Variants in MFN1 observed in about 807,000 individuals in gnomAD.
MFN1 encodes mitofusin 1.
MFN1 carries 65 observed loss-of-function variants against 92.4 expected under a neutral mutation model. The observed-to-expected ratio is 0.70, with a 90% CI of 0.58 to 0.86. The LOEUF is 0.86. MFN1 is among the 40% of genes least tolerant of loss of function. MFN1 has a pLI of 0.00. For missense variants in MFN1, 781 were observed against 868.0 expected, an observed-to-expected ratio of 0.90 and a Z score of 1.26; for synonymous variants, 297 against 300.9, an observed-to-expected ratio of 0.99 and a Z score of 0.13.
At chr3:179,379,574 G>T (rs1713389034) in intron 14 of MFN1, among the ~76,000 whole-genome samples, 1 of 152,010 alleles carries the variant, frequency 6.6e-6, no homozygotes, top group Non-Finnish European at 1.5e-5. Flanking sequence ...GACTGGTCTC[G>T]AACTCCTGAC....
intron 13 of MFN1, 35 bp downstream of exon 13, chr3:179,378,478 G>T: frequency 6.4e-7 from 1 of 1,553,758 alleles, no homozygotes; most frequent in East Asian, 2.2e-5. Context: ...TGTCTGGTTT[G>T]TTTTTTCATT....
At chr3:179,355,981 A>G (rs1438498254) in intron 3 of MFN1, among the ~76,000 whole-genome samples, 1 of 152,198 alleles carries the variant, frequency 6.6e-6, no homozygotes, top group Non-Finnish European at 1.5e-5. Context: ...CAGCCAGGTA[A>G]AAGGAAAATT....
intron 16 of MFN1, among the ~76,000 whole-genome samples, chr3:179,387,361 C>A (rs1713724454): frequency 6.6e-6 from 1 of 152,002 alleles, no homozygotes. Flanking sequence ...GCCTGGCCAA[C>A]ATGGTGAAAC....
Position 179,377,340 on chromosome 3 carries a change from T to A in MFN1, c.1225-4T>A. On this transcript the variant is annotated splice_region_variant and splice_polypyrimidine_tract_variant and intron_variant, in intron 11 of 17. Transcript: ENST00000471841. The stretch of plus-strand genomic sequence containing the variant: ...TTTTAACTCCAAAATTTTCATATTT[T>A]CAGGTTTCATGTGCAATGACAGATG... 1 of 1,584,352 alleles carries A rather than the reference T, an allele frequency of 6.3e-7. No homozygotes were observed. The highest frequency in any genetic ancestry group is 8.6e-7 in the Non-Finnish European group (1 of 1,169,142).
Position 179,378,452 on chromosome 3 carries a change from T to TA in MFN1, c.1432+10dup. 2 of 1,584,414 alleles carry TA rather than the reference T, an allele frequency of 1.3e-6. No individual in the cohort carries two copies. Among genetic ancestry groups the TA allele is most frequent in the Non-Finnish European group, 1.7e-6 (2 of 1,168,632 alleles). On this transcript the variant is annotated intron_variant, in intron 13 of 17. Coordinates refer to ENST00000471841, the MANE Select transcript of MFN1 (RefSeq NM_033540.3). The stretch of plus-strand genomic sequence containing the variant: ...CCAGCAAGAAATTATTGGTAATATT[T>TA]ATGTCTACAAGGTCATGTCTGGTTT...
intron 12 of MFN1, 40 bp downstream of exon 12, chr3:179,377,488 C>A (rs1006527417): frequency 1.0e-5 from 13 of 1,241,574 alleles, no homozygotes; most frequent in African/African-American, 1.5e-5. Context: ...GAGACAGTTT[C>A]TTATTATTCT....
intron 9 of MFN1, among the ~76,000 whole-genome samples, chr3:179,374,968 T>C (rs1439007849): frequency 6.6e-6 from 1 of 152,244 alleles, no homozygotes; most frequent in East Asian, 1.9e-4. Context: ...TTTTTAATGT[T>C]AGAGTCAAAC....
chr3:179,380,725 A>ACT (rs1713432684), intron 14 of MFN1, among the ~76,000 whole-genome samples: 2 of 152,212 alleles, frequency 1.3e-5, no homozygotes, highest in Non-Finnish European at 2.9e-5. Flanking sequence ...GCAGCAGTGA[A>ACT]CTGAGGCCTG....
chr3:179,367,072 C>T (rs1182441331), intron 7 of MFN1, among the ~76,000 whole-genome samples: 1 of 152,202 alleles, frequency 6.6e-6, no homozygotes, highest in African/African-American at 2.4e-5. Context: ...GGATTACCGG[C>T]ACCTGCCACC....
At chr3:179,373,120 A>C (rs1713087721) in intron 9 of MFN1, among the ~76,000 whole-genome samples, 1 of 152,214 alleles carries the variant, frequency 6.6e-6, no homozygotes, top group South Asian at 2.1e-4. Context: ...CAATGCAAGA[A>C]AGTAATGGCT....
intron 17 of MFN1, among the ~76,000 whole-genome samples, chr3:179,391,523 A>G (rs1425912847): frequency 6.6e-6 from 1 of 152,164 alleles, no homozygotes; most frequent in Non-Finnish European, 1.5e-5. Context: ...GCATATGCAC[A>G]CAGGAATAAA....
intron 17 of MFN1, 37 bp downstream of exon 17, chr3:179,390,175 A>C (rs1168939288): frequency 6.9e-7 from 1 of 1,459,500 alleles, no homozygotes. Context: ...TTGAACATTT[A>C]CTGGTCTCAT....
rs558835886 is a variant in MFN1 at position 179,390,130 on chromosome 3, G to A, written c.2139G>A (p.Lys713=). ...TGGAGAAAATACAAAACAATTCAAA[G>A]CTCTTAAGGTATTTAAACCTTTCTT... ...DQLEKIQNNS[K]LLRNKAVQLE... Residue 713 remains lysine, a synonymous_variant, in exon 17 of 18, where the codon AAG becomes AAA. Transcript: ENST00000471841. The A allele has an allele frequency of 3.2e-6, 5 of 1,575,184 alleles. No homozygotes were observed. The South Asian group carries it at 6.1e-5, about 19-fold the overall frequency.
At chr3:179,360,364 G>A (rs1712527902) in intron 4 of MFN1, among the ~76,000 whole-genome samples, 1 of 152,144 alleles carries the variant, frequency 6.6e-6, no homozygotes, top group African/African-American at 2.4e-5. Context: ...TTTTGAAACA[G>A]AATTGCTTAA....
rs146121979 is a variant in MFN1 at position 179,389,984 on chromosome 3, T to G, written c.2013-20T>G. The G allele has an allele frequency of 1.8e-4, 286 of 1,589,802 alleles. 1 individual carries two copies. The African/African-American group carries it at 3.4e-3, about 19-fold the overall frequency. Reference sequence around the variant, plus strand: ...CATTTTTGAAGACATTTATGACTGCTTCTAAATTTTTATTTTAAGACAAAT... The same window carrying G: ...CATTTTTGAAGACATTTATGACTGCGTCTAAATTTTTATTTTAAGACAAAT... On this transcript the variant is annotated intron_variant, in intron 16 of 17. Coordinates refer to ENST00000471841, the MANE Select transcript of MFN1 (RefSeq NM_033540.3).
chr3:179,394,223 T>C lies in MFN1; in HGVS notation c.*2164T>C, dbSNP rs1300721912. The C allele has an allele frequency of 6.6e-6, 1 of 152,156 alleles. No homozygotes were observed. Among genetic ancestry groups the C allele is most frequent in the African/African-American group, 2.4e-5 (1 of 41,400 alleles). 9.4% of individuals were successfully genotyped at this position (152,156 alleles called of 1,614,324 possible). On this transcript the variant is annotated 3_prime_UTR_variant, in exon 18 of 18. Coordinates refer to ENST00000471841, the MANE Select transcript of MFN1 (RefSeq NM_033540.3). ...AGACCTATGGAGTCAGACAGTAGGT[T>C]TGAGGCCCAGCAATCTATGGTTTAA...
At chr3:179,350,550 G>T (rs1383277645) in intron 2 of MFN1, among the ~76,000 whole-genome samples, 1 of 152,148 alleles carries the variant, frequency 6.6e-6, no homozygotes, top group African/African-American at 2.4e-5. Context: ...CTAGTGAAAT[G>T]ACAGCTTTAG....
intron 4 of MFN1, among the ~76,000 whole-genome samples, chr3:179,360,212 G>A (rs1386301987): frequency 1.3e-5 from 2 of 152,172 alleles, no homozygotes; most frequent in African/African-American, 2.4e-5. Flanking sequence ...CACCACGCCC[G>A]GCTGAGACTA....
chr3:179,355,654 G>A (rs1712320053), intron 3 of MFN1, among the ~76,000 whole-genome samples: 1 of 152,056 alleles, frequency 6.6e-6, no homozygotes, highest in African/African-American at 2.4e-5. Context: ...GACTATCCAT[G>A]GAAATGCCAG....
Sources: allele counts gnomAD v4.1 joint callset (sites outside exome capture counted in the v4.1 genomes callset), GRCh38; gene constraint gnomAD v4.1.1; transcripts MANE v1.5; gene names NCBI Gene and HGNC (gene_info 2026-07-23, HGNC 2026-07-21).